Variants in ADARB2 observed in about 807,000 individuals in gnomAD.
The protein encoded by ADARB2 is inactive double-stranded RNA-specific editase B2.
In ADARB2, 25 loss-of-function variants were observed where a neutral mutation model predicts 62.2. The observed-to-expected ratio is 0.40, with a 90% CI of 0.29 to 0.56. The LOEUF (loss-of-function observed/expected upper bound fraction) is 0.56, where lower values mean the gene tolerates loss of function less well. ADARB2 is among the 20% of genes least tolerant of loss of function. The pLI is 0.43. For synonymous variants in ADARB2, 572 were observed against 500.8 expected, an observed-to-expected ratio of 1.14 and a Z score of -1.90; for missense variants, 1,071 against 1,077.4, an observed-to-expected ratio of 0.99 and a Z score of 0.08.
intron 6 of ADARB2, among the ~76,000 whole-genome samples, chr10:1,231,819 G>A (rs1830806536): frequency 6.6e-6 from 1 of 152,178 alleles, no homozygotes; most frequent in South Asian, 2.1e-4. Flanking sequence ...CTGGAGGGAA[G>A]TCCGCAAAAA....
intron 3 of ADARB2, among the ~76,000 whole-genome samples, chr10:1,287,260 T>C (rs1026910131): frequency 2.0e-5 from 3 of 152,246 alleles, no homozygotes; most frequent in Non-Finnish European, 2.9e-5. Flanking sequence ...TAGAGTTTTA[T>C]TCTTAATTCA....
At chr10:1,538,594 C>T (rs1190184170) in intron 1 of ADARB2, among the ~76,000 whole-genome samples, 1 of 152,196 alleles carries the variant, frequency 6.6e-6, no homozygotes, top group African/African-American at 2.4e-5. Flanking sequence ...GCATGGAGGC[C>T]ACAGGGCACT....
At chr10:1,323,454 G>T (rs938580057) in intron 3 of ADARB2, among the ~76,000 whole-genome samples, 1 of 152,132 alleles carries the variant, frequency 6.6e-6, no homozygotes, top group African/African-American at 2.4e-5. Context: ...ATATTTTGTA[G>T]ACATAGACAA....
chr10:1,631,248 C>T (rs372247630), intron 1 of ADARB2, among the ~76,000 whole-genome samples: 1 of 152,278 alleles, frequency 6.6e-6, no homozygotes, highest in Admixed American at 6.5e-5. Context: ...TCTTTACTTT[C>T]TTCCTTCCTC....
chr10:1,534,582 C>A (rs1251739438), intron 1 of ADARB2: 3 of 152,340 alleles, frequency 2.0e-5, no homozygotes, highest in African/African-American at 7.2e-5. Flanking sequence ...AAACTGTCTC[C>A]TCAGCAGATG....
chr10:1,560,236 T>C (rs1832768508), intron 1 of ADARB2, among the ~76,000 whole-genome samples: 1 of 152,212 alleles, frequency 6.6e-6, no homozygotes, highest in South Asian at 2.1e-4. Flanking sequence ...TTGAAAAGAA[T>C]AGGATCTACT....
At chr10:1,476,496 TGCCTGATTGACAGCCCAGAAGCTGAG>T (rs1211366650) in intron 1 of ADARB2, among the ~76,000 whole-genome samples, 1 of 152,236 alleles carries the variant, frequency 6.6e-6, no homozygotes, top group Non-Finnish European at 1.5e-5. Flanking sequence ...ACGCCTGGGC[TGCCTGATTGACAGCCCAGAAGCTGAG>T]GCCTGAACGC....
chr10:1,303,065 C>T (rs1321438036), intron 3 of ADARB2, among the ~76,000 whole-genome samples: 9 of 152,156 alleles, frequency 5.9e-5, no homozygotes, highest in African/African-American at 1.2e-4. Context: ...AGGCTTCAGA[C>T]GATCAAATTA....
chr10:1,276,799 A>G (rs1290623190), intron 3 of ADARB2, among the ~76,000 whole-genome samples: 2 of 152,230 alleles, frequency 1.3e-5, no homozygotes, highest in Non-Finnish European at 2.9e-5. Flanking sequence ...TCAAGAGAAT[A>G]TACATTCTTC....
intron 1 of ADARB2, among the ~76,000 whole-genome samples, chr10:1,731,236 A>C (rs960370294): frequency 1.3e-5 from 2 of 152,230 alleles, no homozygotes; most frequent in Non-Finnish European, 1.5e-5. Flanking sequence ...AGGGCCTACG[A>C]GCCCTGTTTG....
In ADARB2 at chr10:1,207,702, C is replaced by A. The variant is rs1450518174; in HGVS notation, c.1683-7555G>T. Among the ~76,000 whole-genome samples, 12 of 152,302 alleles carry A rather than the reference C, an allele frequency of 7.9e-5. No homozygotes were observed. The East Asian group carries it at 2.3e-3, about 29-fold the overall frequency. On this transcript the variant is annotated intron_variant, in intron 7 of 9. Coordinates refer to ENST00000381312, the MANE Select transcript of ADARB2 (RefSeq NM_018702.4). Reference sequence around the variant, plus strand: ...AGAGCAGCTGTAATTTCTTATGGTTCATTTTCATGGAGAAAGTTTTAATCT... The same window carrying A: ...AGAGCAGCTGTAATTTCTTATGGTTAATTTTCATGGAGAAAGTTTTAATCT...
intron 1 of ADARB2, among the ~76,000 whole-genome samples, chr10:1,591,640 TACAC>T (rs1320708214): frequency 1.6e-5 from 2 of 122,404 alleles, no homozygotes; most frequent in African/African-American, 6.3e-5. Flanking sequence ...GAATCTCTCT[TACAC>T]ACAGAGGCGT....
rs1348045249 is a variant in ADARB2, at chr10:1,304,733, C to T, written c.1078-33664G>A. ...CAGGATTAAGAATCTCACTCAAAAC[C>T]GCTCAACTACATGGAAACTGAACAA... On this transcript the variant is annotated intron_variant, in intron 3 of 9. Transcript: ENST00000381312. 5.4e-5 allele frequency among the ~76,000 whole-genome samples: 8 copies of T among 147,258 alleles called. No individual in the cohort carries two copies. In the East Asian group the frequency reaches 6.2e-4, roughly 11 times the overall value.
At chr10:1,424,367 A>G (rs1217406558) in intron 1 of ADARB2, among the ~76,000 whole-genome samples, 3 of 152,198 alleles carry the variant, frequency 2.0e-5, no homozygotes, top group Non-Finnish European at 4.4e-5. Flanking sequence ...GAAAGGCTGA[A>G]CACCCCTGTG....
chr10:1,275,408 G>T (rs1378266233), intron 3 of ADARB2, among the ~76,000 whole-genome samples: 1 of 152,208 alleles, frequency 6.6e-6, no homozygotes, highest in African/African-American at 2.4e-5. Context: ...AGTCCTGCAG[G>T]GCGGCTCCAG....
intron 1 of ADARB2, among the ~76,000 whole-genome samples, chr10:1,624,959 T>C (rs1172191150): frequency 6.6e-6 from 1 of 152,182 alleles, no homozygotes; most frequent in East Asian, 1.9e-4. Context: ...CACTTGTATA[T>C]CTCAATAAAA....
chr10:1,573,426 G>A (rs2131994489), intron 1 of ADARB2, among the ~76,000 whole-genome samples: 1 of 152,274 alleles, frequency 6.6e-6, no homozygotes. Flanking sequence ...GTTGAGTGTG[G>A]AGCGGAAACT....
Position 1,327,899 on chromosome 10 carries a change from C to T in ADARB2, c.1077+35129G>A, listed in dbSNP as rs1052385499. Among the ~76,000 whole-genome samples, 4 of 151,940 alleles carry T rather than the reference C, an allele frequency of 2.6e-5. 1 individual carries two copies. In the East Asian group the frequency reaches 7.7e-4, roughly 29 times the overall value. On this transcript the variant is annotated intron_variant, in intron 3 of 9. Coordinates refer to ENST00000381312, the MANE Select transcript of ADARB2 (RefSeq NM_018702.4). ...AGCTCAGCGCCTCCTCACAGCTCAGCGCCTCCTCACAGTTCAGCATCTCCT... is the reference window on the plus strand; with the variant it reads ...AGCTCAGCGCCTCCTCACAGCTCAGTGCCTCCTCACAGTTCAGCATCTCCT...
At chr10:1,201,971 T>TCCA (rs1554743168) in intron 7 of ADARB2, among the ~76,000 whole-genome samples, 1 of 152,156 alleles carries the variant, frequency 6.6e-6, no homozygotes, top group Non-Finnish European at 1.5e-5. Flanking sequence ...GGATCTTGGA[T>TCCA]GGTGGCTCTT....
Sources: allele counts gnomAD v4.1 joint callset (sites outside exome capture counted in the v4.1 genomes callset), GRCh38; gene constraint gnomAD v4.1.1; transcripts MANE v1.5; gene names NCBI Gene and HGNC (gene_info 2026-07-23, HGNC 2026-07-21).